ZNF730: variants seen among roughly 807,000 people sequenced by gnomAD.
The protein encoded by ZNF730 is zinc finger protein 730, also known as putative zinc finger protein 730.
ZNF730 carries 12 observed loss-of-function variants against 12.6 expected under a neutral mutation model. That is an observed-to-expected ratio of 0.95 (90% CI 0.61 to 1.54). ZNF730 has a LOEUF of 1.54. ZNF730 is among the 40% of genes most tolerant of loss of function. ZNF730 has a pLI of 0.00. For missense variants in ZNF730, 643 were observed against 583.5 expected (o/e 1.10, Z -1.05); for synonymous variants, 194 against 195.8 (o/e 0.99, Z 0.08).
intron 1 of ZNF730, among the ~76,000 whole-genome samples, chr19:23,101,144 A>G (rs1407812349): frequency 6.6e-6 from 1 of 152,200 alleles, no homozygotes; most frequent in African/African-American, 2.4e-5. Flanking sequence ...AAGTGAAACT[A>G]TCATAAGAGA....
chr19:23,126,897 C>T, intron 1 of ZNF730: 2 of 528,882 alleles, frequency 3.8e-6, no homozygotes, highest in Admixed American at 2.2e-5. Context: ...TTGAGTTTCT[C>T]TTAAGTAATA....
At chr19:23,106,544 C>T (rs958429838) in intron 1 of ZNF730, among the ~76,000 whole-genome samples, 4 of 152,058 alleles carry the variant, frequency 2.6e-5, no homozygotes, top group Admixed American at 1.3e-4. Flanking sequence ...GTAATCCCAG[C>T]ATTTTGGGAG....
chr19:23,081,035 A>G (rs114775826), intron 1 of ZNF730, among the ~76,000 whole-genome samples: 6,605 of 150,256 alleles, frequency 0.044, 172 homozygotes, highest in East Asian at 0.11. Flanking sequence ...TCGTAGATAC[A>G]GTGTTTCGCC....
chr19:23,126,661 G>GTTT (rs59629245), intron 1 of ZNF730: 4,286 of 407,942 alleles, frequency 0.011, 1 homozygote, highest in East Asian at 0.023. Flanking sequence ...AGTTCCACTA[G>GTTT]TTTTTTTTTT....
upstream of ZNF730, among the ~76,000 whole-genome samples, chr19:23,116,325 T>TTTTCTTTTC (rs755848287): frequency 2.8e-4 from 6 of 21,318 alleles, no homozygotes; most frequent in Admixed American, 1.0e-3. Context: ...TTTTCTTTTC[T>TTTTCTTTTC]TTCTTTCTTT....
In ZNF730 at chr19:23,138,919, G is replaced by A. The variant is rs1369976435; in HGVS notation, c.226+2876G>A. On this transcript the variant is annotated intron_variant, in intron 3 of 3. Transcript: ENST00000597761. Reference sequence around the variant, plus strand: ...TTGCTGACAGATTTTCTTGCTGTAGGAAAATAAGCAAATAGGGCACCTTTT... The same window carrying A: ...TTGCTGACAGATTTTCTTGCTGTAGAAAAATAAGCAAATAGGGCACCTTTT... Among the ~76,000 whole-genome samples the A allele has an allele frequency of 5.9e-5, 9 of 152,220 alleles. No individual in the cohort carries two copies. In the South Asian group the frequency reaches 1.5e-3, roughly 25 times the overall value.
At chr19:23,075,336 T>A (rs527614723) in exon 1 of ZNF730, 15 of 154,264 alleles carry the variant, frequency 9.7e-5, no homozygotes, top group African/African-American at 3.6e-4. Flanking sequence ...GATCTGCAGG[T>A]CCTGGGAGAC....
chr19:23,085,078 A>G (rs1437860220), intron 1 of ZNF730, among the ~76,000 whole-genome samples: 1 of 152,188 alleles, frequency 6.6e-6, no homozygotes, highest in Non-Finnish European at 1.5e-5. Flanking sequence ...CACTCCCACC[A>G]ACAGAGTATA....
At chr19:23,106,271 GTAGT>G (rs1279114436) in intron 1 of ZNF730, among the ~76,000 whole-genome samples, 4 of 152,222 alleles carry the variant, frequency 2.6e-5, no homozygotes, top group Admixed American at 6.6e-5. Flanking sequence ...AAAAGTAGTA[GTAGT>G]TAGGACGATG....
At chr19:23,095,137 A>G (rs1459846343) in intron 1 of ZNF730, 1 of 372,370 alleles carries the variant, frequency 2.7e-6, no homozygotes, top group Non-Finnish European at 4.8e-6. Flanking sequence ...GTGACATATC[A>G]CTGGACCCAG....
Position 23,147,177 on chromosome 19 carries a change from A to T in ZNF730, c.*621A>T, listed in dbSNP as rs557404264. 1 of 163,346 alleles carries T rather than the reference A, an allele frequency of 6.1e-6. No individual in the cohort carries two copies. Among genetic ancestry groups the T allele is most frequent in the South Asian group, 1.6e-4 (1 of 6,204 alleles). The allele number at this position is 163,346 out of a possible 1,614,324, so 10.1% of individuals were successfully genotyped here. A position where few individuals can be genotyped will look rare whatever the true frequency, so the allele number is the denominator to read the frequency against. On this transcript the variant is annotated 3_prime_UTR_variant, in exon 4 of 4. Transcript: ENST00000597761. ...ACCCTATTAATATCTGCTCACATCA[A>T]CTCAACATCAGAGTTCATACTTAAT... is the stretch of plus-strand genomic sequence containing the variant.
chr19:23,138,237 C>T (rs1351201657), intron 3 of ZNF730, among the ~76,000 whole-genome samples: 2 of 15,266 alleles, frequency 1.3e-4, no homozygotes, highest in African/African-American at 2.4e-4. Context: ...GAGCCGAGAT[C>T]CCGCCACTGC....
At chr19:23,104,772 C>T (rs1970373092) in intron 1 of ZNF730, among the ~76,000 whole-genome samples, 1 of 152,058 alleles carries the variant, frequency 6.6e-6, no homozygotes, top group Admixed American at 6.6e-5. Flanking sequence ...GATAAAAGCC[C>T]CTTGAAAAAA....
chr19:23,139,980 C>A (rs1027256449), intron 3 of ZNF730, among the ~76,000 whole-genome samples: 1 of 151,884 alleles, frequency 6.6e-6, no homozygotes, highest in African/African-American at 2.4e-5. Context: ...CAGTTTTAGG[C>A]GGTTTGCAAC....
chr19:23,081,358 C>T lies in ZNF730; in HGVS notation c.-94+5971C>T, dbSNP rs377574965. 4.6e-5 allele frequency among the ~76,000 whole-genome samples: 7 copies of T among 151,948 alleles called. No individual in the cohort carries two copies. The East Asian group carries it at 1.4e-3, about 29-fold the overall frequency. On this transcript the variant is annotated intron_variant, in intron 1 of 2. Coordinates refer to the ZNF730 transcript ENST00000593635. ...TTTTTGAGATGTAGTCTCTCTCAGTCGCCCAGGCTGGAGTGCAATGGTGCT... is the reference window on the plus strand; with the variant it reads ...TTTTTGAGATGTAGTCTCTCTCAGTTGCCCAGGCTGGAGTGCAATGGTGCT...
intron 1 of ZNF730, among the ~76,000 whole-genome samples, chr19:23,081,523 T>A (rs1969966466): frequency 6.6e-6 from 1 of 152,138 alleles, no homozygotes; most frequent in South Asian, 2.1e-4. Context: ...TTTCACCATG[T>A]TGGCCAGGCT....
chr19:23,102,199 A>G (rs915969950), intron 1 of ZNF730, among the ~76,000 whole-genome samples: 1 of 152,148 alleles, frequency 6.6e-6, no homozygotes, highest in Admixed American at 6.5e-5. Context: ...GTCTCTGGTA[A>G]CTGGGCCTTG....
At position 23,117,094 on chromosome 19, in the gene ZNF730, GC is replaced by G; in HGVS notation, c.-77del. ...TGCTTTGTGTCCTCTGCACGTAGAA[GC>G]CCAGCCTGTGTGGCCCTGCGACCTG... On this transcript the variant is annotated 5_prime_UTR_variant, in exon 1 of 4. Transcript: ENST00000597761. 1 of 1,607,832 alleles carries G rather than the reference GC, an allele frequency of 6.2e-7. No individual in the cohort carries two copies. The highest frequency in any genetic ancestry group is 8.5e-7 in the Non-Finnish European group (1 of 1,175,106).
intron 3 of ZNF730, among the ~76,000 whole-genome samples, chr19:23,144,608 G>C (rs1382301296): frequency 6.7e-6 from 1 of 149,330 alleles, no homozygotes; most frequent in African/African-American, 2.5e-5. Context: ...GCTGAGTCAG[G>C]AGAATCGCCT....
Sources: gnomAD v4.1 joint callset for allele counts (sites outside exome capture counted in the v4.1 genomes callset) on GRCh38, gnomAD v4.1.1 for gene constraint, MANE v1.5 for transcripts, NCBI Gene and HGNC (gene_info 2026-07-23, HGNC 2026-07-21) for gene names.